The following CNTNAP4 variants were observed in gnomAD, a reference collection of about 807,000 sequenced individuals.
The protein encoded by CNTNAP4 is contactin-associated protein-like 4.
CNTNAP4 carries 98 observed loss-of-function variants against 148.4 expected under a neutral mutation model. The ratio of observed to expected loss-of-function variants is 0.66; its 90% CI spans 0.56 to 0.78. The LOEUF (loss-of-function observed/expected upper bound fraction) is 0.78, where lower values mean the gene tolerates loss of function less well. CNTNAP4 is among the 30% of genes least tolerant of loss of function. CNTNAP4 has a pLI of 0.00. For synonymous variants in CNTNAP4, 730 were observed against 565.1 expected, an observed-to-expected ratio of 1.29 and a Z score of -4.14; for missense variants, 1,935 against 1,565.6, an observed-to-expected ratio of 1.24 and a Z score of -3.98.
At chr16:76,281,425 A>G (rs533625359) in intron 1 of CNTNAP4, among the ~76,000 whole-genome samples, 1 of 152,036 alleles carries the variant, frequency 6.6e-6, no homozygotes, top group East Asian at 1.9e-4. Context: ...TTCTTATTAC[A>G]TGCATCTCAA....
intron 2 of CNTNAP4, among the ~76,000 whole-genome samples, chr16:76,317,349 T>G (rs1234486873): frequency 6.7e-6 from 1 of 149,496 alleles, no homozygotes; most frequent in African/African-American, 2.5e-5. Context: ...TTTGATCACT[T>G]GAATATGTTA....
chr16:76,302,733 T>A (rs780058838), intron 1 of CNTNAP4, among the ~76,000 whole-genome samples: 2 of 152,184 alleles, frequency 1.3e-5, no homozygotes, highest in Non-Finnish European at 2.9e-5. Context: ...AAATTCTGCC[T>A]GCACTCGAGG....
intron 17 of CNTNAP4, among the ~76,000 whole-genome samples, chr16:76,527,746 A>G (rs2083802049): frequency 1.3e-5 from 2 of 152,190 alleles, no homozygotes; most frequent in African/African-American, 4.8e-5. Context: ...GATTTGTCAC[A>G]AAAAAGTAAC....
chr16:76,365,610 G>A (rs904856584), intron 3 of CNTNAP4, among the ~76,000 whole-genome samples: 3 of 151,920 alleles, frequency 2.0e-5, no homozygotes, highest in Non-Finnish European at 4.4e-5. Context: ...AAATTACCCG[G>A]GTATAGTGGC....
At chr16:76,547,155 A>G (rs995754151) in intron 21 of CNTNAP4, among the ~76,000 whole-genome samples, 1 of 152,330 alleles carries the variant, frequency 6.6e-6, no homozygotes, top group African/African-American at 2.4e-5. Context: ...AATATTTACT[A>G]GAAAATTATA....
chr16:76,331,439 C>T (rs762954565), intron 2 of CNTNAP4, among the ~76,000 whole-genome samples: 8 of 151,210 alleles, frequency 5.3e-5, no homozygotes, highest in Non-Finnish European at 1.2e-4. Flanking sequence ...CCACCTGCCT[C>T]AGCATCCCAA....
At chr16:76,376,197 A>T (rs1197033227) in intron 3 of CNTNAP4, among the ~76,000 whole-genome samples, 1 of 152,202 alleles carries the variant, frequency 6.6e-6, no homozygotes, top group Non-Finnish European at 1.5e-5. Flanking sequence ...ATGCAAAAAA[A>T]ATACAACTCA....
rs35042726 is a variant in CNTNAP4 at position 76,314,108 on chromosome 16, GTAGA to G, written c.86-2300_86-2297del. 2.3e-3 allele frequency among the ~76,000 whole-genome samples: 352 copies of G among 152,220 alleles called. 1 individual carries two copies. Among genetic ancestry groups the G allele is most frequent in the African/African-American group, 3.1e-3 (128 of 41,542 alleles). ...CAATATATGTGATACACATAAAAGG[GTAGA>G]TAGACGATAAATATGTATATGCATT... is the stretch of plus-strand genomic sequence containing the variant. On this transcript the variant is annotated intron_variant, in intron 1 of 23. Coordinates refer to ENST00000611870, the MANE Select transcript of CNTNAP4 (RefSeq NM_033401.5).
chr16:76,298,525 T>TGA (rs1193215960), intron 1 of CNTNAP4, among the ~76,000 whole-genome samples: 2 of 134,776 alleles, frequency 1.5e-5, no homozygotes, highest in African/African-American at 5.1e-5. Context: ...TGTGTGTGTG[T>TGA]GTGTGAGGTA....
At chr16:76,383,229 A>ACT (rs1300398438) in intron 3 of CNTNAP4, among the ~76,000 whole-genome samples, 1 of 152,002 alleles carries the variant, frequency 6.6e-6, no homozygotes, top group East Asian at 1.9e-4. Context: ...TGTTAGAATA[A>ACT]CTCCATTTTG....
intron 3 of CNTNAP4, among the ~76,000 whole-genome samples, chr16:76,397,714 C>T (rs1205866328): frequency 1.3e-5 from 2 of 151,366 alleles, no homozygotes; most frequent in East Asian, 2.0e-4. Flanking sequence ...ACTAGTGCTA[C>T]AGTCAATTCA....
chr16:76,441,937 A>G (rs1260145968), intron 4 of CNTNAP4, among the ~76,000 whole-genome samples: 1 of 152,138 alleles, frequency 6.6e-6, no homozygotes, highest in African/African-American at 2.4e-5. Context: ...AAATGAGACA[A>G]CAGGGACAAA....
chr16:76,521,184 C>G lies in CNTNAP4; in HGVS notation c.2410C>G (p.Leu804Val). Residue 804 changes from leucine to valine, a missense_variant, in exon 16 of 24, where the codon CTT (leucine) becomes GTT (valine). Leu to Val is a conservative substitution (Grantham distance 32). Transcript: ENST00000611870. ...TTCCTTTGATACCGAGGCTTCATAT[C>G]TTCATTTTCCTACCTTCCACGGAGA... ...SASFDTEASYLHFPTFHGELS... is the reference protein window; with the variant it reads ...SASFDTEASYVHFPTFHGELS... 6.2e-7 allele frequency: 1 copy of G among 1,606,684 alleles called. No homozygotes were observed. The highest frequency in any genetic ancestry group is 8.5e-7 in the Non-Finnish European group (1 of 1,177,832).
At chr16:76,490,166 A>G (rs1188462346) in intron 13 of CNTNAP4, among the ~76,000 whole-genome samples, 2 of 152,214 alleles carry the variant, frequency 1.3e-5, no homozygotes, top group Admixed American at 1.3e-4. Flanking sequence ...CCTCCTTCTG[A>G]TACTCAGTGA....
intron 12 of CNTNAP4, among the ~76,000 whole-genome samples, chr16:76,488,235 C>A (rs779753685): frequency 1.8e-4 from 28 of 152,098 alleles, no homozygotes; most frequent in Non-Finnish European, 3.7e-4. Context: ...GGCACAAGAT[C>A]CATGCCAGAT....
intron 4 of CNTNAP4, among the ~76,000 whole-genome samples, chr16:76,445,393 A>AT (rs1479142524): frequency 1.3e-5 from 2 of 152,166 alleles, no homozygotes; most frequent in Admixed American, 6.6e-5. Flanking sequence ...TTTATGTTGA[A>AT]TTTTTTTTAA....
chr16:76,316,418 T>C lies in CNTNAP4; in HGVS notation c.91T>C (p.Cys31Arg). 6.2e-7 allele frequency: 1 copy of C among 1,612,582 alleles called. No homozygotes were observed. The highest frequency in any genetic ancestry group is 8.5e-7 in the Non-Finnish European group (1 of 1,178,678). Residue 31 changes from cysteine to arginine, a missense_variant, in exon 2 of 24, where the codon TGT (cysteine) becomes CGT (arginine). Transcript: ENST00000611870. Reference protein sequence around the residue: ...NRVEAGNSYDCDDPLVSALPQ... With the variant: ...NRVEAGNSYDRDDPLVSALPQ... ...GGCATTGTTCCTCCTGGCAGATGAC[T>C]GTGATGATCCTCTTGTGTCTGCCTT...
At chr16:76,354,233 C>T (rs1489224155) in intron 2 of CNTNAP4, among the ~76,000 whole-genome samples, 1 of 152,112 alleles carries the variant, frequency 6.6e-6, no homozygotes, top group Non-Finnish European at 1.5e-5. Context: ...CTTACATAAT[C>T]AGCAATGTTA....
At chr16:76,367,425 A>G (rs1343863361) in intron 3 of CNTNAP4, among the ~76,000 whole-genome samples, 2 of 152,190 alleles carry the variant, frequency 1.3e-5, no homozygotes, top group Non-Finnish European at 2.9e-5. Flanking sequence ...GAAAAATTAG[A>G]TAATATATGG....
Sources: gnomAD v4.1 joint callset for allele counts (sites outside exome capture counted in the v4.1 genomes callset) on GRCh38, gnomAD v4.1.1 for gene constraint, MANE v1.5 for transcripts, NCBI Gene and HGNC (gene_info 2026-07-23, HGNC 2026-07-21) for gene names.